Variants in KIAA0513 observed in about 807,000 individuals in gnomAD.
KIAA0513 encodes the protein uncharacterized protein KIAA0513.
In KIAA0513, 39 loss-of-function variants were observed where a neutral mutation model predicts 56.5. The ratio of observed to expected loss-of-function variants is 0.69; its 90% CI spans 0.53 to 0.90. The LOEUF is 0.90. KIAA0513 is among the 40% of genes least tolerant of loss of function. The pLI is 0.00. For missense variants in KIAA0513, 591 were observed against 535.2 expected (o/e 1.10, Z -1.03); for synonymous variants, 268 against 215.6 (o/e 1.24, Z -2.13).
intron 1 of KIAA0513, among the ~76,000 whole-genome samples, chr16:85,037,144 ATCT>A (rs1319849299): frequency 6.6e-6 from 1 of 152,070 alleles, no homozygotes; most frequent in East Asian, 1.9e-4. Flanking sequence ...CTGGCAGACC[ATCT>A]TCTTCAGTGA....
At chr16:85,063,183 G>C (rs1412035212) in intron 1 of KIAA0513, 4 of 152,260 alleles carry the variant, frequency 2.6e-5, no homozygotes, top group Non-Finnish European at 5.9e-5. Flanking sequence ...TTCTGGGAGA[G>C]GGTGACTCAC....
chr16:85,067,145 A>T lies in KIAA0513; in HGVS notation c.74A>T (p.Glu25Val). ...GPEAPTSSPL[E>V]APPPVLQDGD... Reference sequence around the variant, plus strand: ...GAGGCACCCACCTCTTCTCCCCTGGAGGCACCACCCCCTGTGCTGCAGGAC... The same window carrying T: ...GAGGCACCCACCTCTTCTCCCCTGGTGGCACCACCCCCTGTGCTGCAGGAC... Residue 25 changes from glutamate (E) to valine (V), a missense_variant, in exon 2 of 13, where the codon GAG (glutamate) becomes GTG (valine). By Grantham distance (121) the Glu-to-Val change is moderately radical. Coordinates refer to ENST00000683363, the MANE Select transcript of KIAA0513 (RefSeq NM_001388359.1). 1 of 1,613,834 alleles carries T rather than the reference A, an allele frequency of 6.2e-7. No individual in the cohort carries two copies. The highest frequency in any genetic ancestry group is 8.5e-7 in the Non-Finnish European group (1 of 1,179,888).
At chr16:85,050,355 ATTTATT>A (rs2073234754) in intron 1 of KIAA0513, among the ~76,000 whole-genome samples, 1 of 54,492 alleles carries the variant, frequency 1.8e-5, no homozygotes, top group African/African-American at 1.2e-4. Context: ...TTATTTATTT[ATTTATT>A]TTTTTTGAGA....
At chr16:85,054,783 A>G (rs1241733148) in intron 1 of KIAA0513, among the ~76,000 whole-genome samples, 1 of 151,684 alleles carries the variant, frequency 6.6e-6, no homozygotes, top group Non-Finnish European at 1.5e-5. Flanking sequence ...TGCCCTTCCC[A>G]GAATGTGCCA....
intron 2 of KIAA0513, 27 bp downstream of exon 2, chr16:85,067,427 C>T (rs1376792652): frequency 6.5e-7 from 1 of 1,549,428 alleles, no homozygotes; most frequent in East Asian, 2.2e-5. Context: ...GACGAGACAG[C>T]CTGGTGTGGC....
At chr16:85,050,602 C>G (rs1057138503) in intron 1 of KIAA0513, among the ~76,000 whole-genome samples, 1 of 152,150 alleles carries the variant, frequency 6.6e-6, no homozygotes, top group Non-Finnish European at 1.5e-5. Flanking sequence ...AGGCGTGAGC[C>G]GCCGTGCCCA....
At chr16:85,034,023 C>T (rs907018345) in intron 1 of KIAA0513, among the ~76,000 whole-genome samples, 1 of 152,142 alleles carries the variant, frequency 6.6e-6, no homozygotes, top group African/African-American at 2.4e-5. Context: ...TCCCCTCAAT[C>T]CTTCCTTCCT....
chr16:85,040,119 C>A (rs973015825), intron 1 of KIAA0513, among the ~76,000 whole-genome samples: 3 of 152,308 alleles, frequency 2.0e-5, no homozygotes, highest in African/African-American at 7.2e-5. Flanking sequence ...CAGGCATGAG[C>A]CACCGTGCCC....
chr16:85,030,262 G>A (rs2072945158), intron 1 of KIAA0513, among the ~76,000 whole-genome samples: 1 of 152,180 alleles, frequency 6.6e-6, no homozygotes, highest in Non-Finnish European at 1.5e-5. Flanking sequence ...TAGCCCAGGT[G>A]TCTTCAGCTG....
chr16:85,070,384 A>G (rs947949908), intron 2 of KIAA0513, among the ~76,000 whole-genome samples: 3 of 152,114 alleles, frequency 2.0e-5, no homozygotes, highest in African/African-American at 7.2e-5. Flanking sequence ...GACTGTCTCA[A>G]AATGCATTTA....
intron 1 of KIAA0513, among the ~76,000 whole-genome samples, chr16:85,044,045 A>G (rs1382620252): frequency 6.6e-6 from 1 of 152,096 alleles, no homozygotes; most frequent in East Asian, 1.9e-4. Flanking sequence ...GAAAAAAAAG[A>G]GAAATGCCTT....
intron 1 of KIAA0513, among the ~76,000 whole-genome samples, chr16:85,056,303 C>T (rs1050680395): frequency 6.6e-5 from 10 of 152,210 alleles, no homozygotes; most frequent in African/African-American, 1.2e-4. Context: ...CCCGCCTTTC[C>T]GAGGCCCCCT....
chr16:85,066,309 C>T (rs544690763), intron 1 of KIAA0513, among the ~76,000 whole-genome samples: 9 of 152,054 alleles, frequency 5.9e-5, no homozygotes, highest in Admixed American at 2.6e-4. Context: ...AGGGGTGTGT[C>T]GTTGTCCAGC....
At chr16:85,072,739 G>A (rs1377843608) in intron 3 of KIAA0513, among the ~76,000 whole-genome samples, 186 bp from the exon 4 acceptor site, 1 of 152,196 alleles carries the variant, frequency 6.6e-6, no homozygotes, top group Non-Finnish European at 1.5e-5. Context: ...ATGGTTGGGT[G>A]CAGGTGGCTA....
chr16:85,040,923 C>G (rs1423141027), intron 1 of KIAA0513, among the ~76,000 whole-genome samples: 1 of 152,210 alleles, frequency 6.6e-6, no homozygotes, highest in African/African-American at 2.4e-5. Flanking sequence ...AAACCTCTTT[C>G]TTTTCGCTCA....
rs565680516 is a variant in KIAA0513, at chr16:85,073,843, G to A, written c.503+845G>A. Among the ~76,000 whole-genome samples, 79 of 152,268 alleles carry A rather than the reference G, an allele frequency of 5.2e-4. 1 individual carries two copies. Among genetic ancestry groups the A allele is most frequent in the Admixed American group, 4.7e-3 (72 of 15,288 alleles). On this transcript the variant is annotated intron_variant, in intron 4 of 12. Coordinates refer to ENST00000683363, the MANE Select transcript of KIAA0513 (RefSeq NM_001388359.1). ...CTCCTGGTCCTTGGCTCATCCCATC[G>A]CCACCTTCTCACATCACTGCCTTTG... is the stretch of plus-strand genomic sequence containing the variant.
chr16:85,027,923 C>A (rs2072910342), intron 1 of KIAA0513, 65 bp downstream of exon 1: 1 of 148,134 alleles, frequency 6.8e-6, no homozygotes, highest in African/African-American at 2.5e-5. Flanking sequence ...CCGGGAGGGA[C>A]GGCGGGGACC....
intron 10 of KIAA0513, among the ~76,000 whole-genome samples, chr16:85,083,047 G>A (rs12444110): frequency 3.3e-5 from 5 of 152,214 alleles, no homozygotes; most frequent in Admixed American, 2.6e-4. Flanking sequence ...GGGAAGCCAC[G>A]GGTGGGGTGC....
rs969743226 is a variant in KIAA0513, at chr16:85,067,484, C to G, written c.329+84C>G. 5 of 1,112,378 alleles carry G rather than the reference C, an allele frequency of 4.5e-6. No individual in the cohort carries two copies. The African/African-American group carries it at 7.8e-5, about 17-fold the overall frequency. 68.9% of individuals were successfully genotyped at this position (1,112,378 alleles called of 1,614,324 possible). ...CCTCCTGCTCTCGGCTCTGCCTCTC[C>G]CCAGGGTGCCACCTGGGACCAGAGC... On this transcript the variant is annotated intron_variant, in intron 2 of 12. Coordinates refer to ENST00000683363, the MANE Select transcript of KIAA0513 (RefSeq NM_001388359.1).
Sources: allele counts gnomAD v4.1 joint callset (sites outside exome capture counted in the v4.1 genomes callset), GRCh38; gene constraint gnomAD v4.1.1; transcripts MANE v1.5; gene names NCBI Gene and HGNC (gene_info 2026-07-23, HGNC 2026-07-21).